The following STXBP5L variants were observed in gnomAD, a reference collection of about 807,000 sequenced individuals.
STXBP5L encodes the protein syntaxin binding protein 5L.
A neutral mutation model predicts 144.5 loss-of-function variants in STXBP5L; 65 were observed. The observed-to-expected ratio is 0.45, with a 90% confidence interval of 0.37 to 0.55. STXBP5L has a LOEUF of 0.55. Ranked by LOEUF, STXBP5L falls within the 20% of genes least tolerant of loss-of-function variation. STXBP5L has a pLI of 0.00. For missense variants in STXBP5L, 1,298 were observed against 1,405.5 expected (o/e 0.92, Z 1.22); for synonymous variants, 505 against 469.6 (o/e 1.08, Z -0.97).
At chr3:121,059,355 A>G (rs965339862) in intron 5 of STXBP5L, among the ~76,000 whole-genome samples, 11 of 152,162 alleles carry the variant, frequency 7.2e-5, no homozygotes, top group South Asian at 2.1e-4. Flanking sequence ...TACCAGTACC[A>G]TGGTGTTTTC....
intron 3 of STXBP5L, among the ~76,000 whole-genome samples, chr3:121,036,416 A>C (rs1220514423): frequency 6.6e-6 from 1 of 152,078 alleles, no homozygotes; most frequent in Admixed American, 6.6e-5. Context: ...TCCTATATAA[A>C]TTTGATGTTT....
At chr3:121,283,739 T>C (rs1422078105) in intron 19 of STXBP5L, among the ~76,000 whole-genome samples, 1 of 152,070 alleles carries the variant, frequency 6.6e-6, no homozygotes, top group Non-Finnish European at 1.5e-5. Context: ...ATTCCTGCTC[T>C]GTGCCATTTT....
intron 3 of STXBP5L, among the ~76,000 whole-genome samples, chr3:120,993,797 C>T (rs375213831): frequency 6.6e-6 from 1 of 151,808 alleles, no homozygotes; most frequent in Non-Finnish European, 1.5e-5. Context: ...TTTTTGGTTC[C>T]ATATAAATTT....
At chr3:120,978,697 T>A (rs1398039715) in intron 3 of STXBP5L, among the ~76,000 whole-genome samples, 1 of 152,194 alleles carries the variant, frequency 6.6e-6, no homozygotes, top group Non-Finnish European at 1.5e-5. Context: ...TGGTCTTTGA[T>A]GATGGTGATG....
At chr3:121,261,248 C>A (rs1042929554) in intron 18 of STXBP5L, among the ~76,000 whole-genome samples, 3 of 152,130 alleles carry the variant, frequency 2.0e-5, no homozygotes, top group African/African-American at 7.2e-5. Context: ...ATAACTGACA[C>A]TTGTATGAAA....
At chr3:121,169,441 A>G (rs2046624064) in intron 9 of STXBP5L, among the ~76,000 whole-genome samples, 1 of 152,190 alleles carries the variant, frequency 6.6e-6, no homozygotes, top group African/African-American at 2.4e-5. Flanking sequence ...TATTCAGGAA[A>G]CCCATCTCAG....
At chr3:121,051,187 G>T (rs1261481447) in intron 5 of STXBP5L, among the ~76,000 whole-genome samples, 1 of 151,932 alleles carries the variant, frequency 6.6e-6, no homozygotes, top group Non-Finnish European at 1.5e-5. Context: ...GAGACAGAAA[G>T]TTAACAAGGA....
intron 3 of STXBP5L, among the ~76,000 whole-genome samples, chr3:120,989,690 G>A (rs1450481713): frequency 2.6e-5 from 4 of 151,998 alleles, no homozygotes; most frequent in African/African-American, 7.2e-5. Context: ...TACGTATTAC[G>A]TATTTTGAGG....
chr3:120,984,404 G>A (rs951032674), intron 3 of STXBP5L, among the ~76,000 whole-genome samples: 3 of 152,140 alleles, frequency 2.0e-5, no homozygotes, highest in African/African-American at 7.2e-5. Context: ...GTGTTGGGAA[G>A]TGATGCCAGG....
At chr3:121,267,661 T>C (rs1303166207) in intron 18 of STXBP5L, among the ~76,000 whole-genome samples, 1 of 152,092 alleles carries the variant, frequency 6.6e-6, no homozygotes, top group Non-Finnish European at 1.5e-5. Context: ...AATCTATCCA[T>C]CTGACAAAGG....
At chr3:121,300,042 C>G (rs192523598) in intron 19 of STXBP5L, among the ~76,000 whole-genome samples, 1 of 149,052 alleles carries the variant, frequency 6.7e-6, no homozygotes, top group Non-Finnish European at 1.5e-5. Flanking sequence ...CTACTAAAAC[C>G]AACCTACAAG....
chr3:121,249,270 A>C (rs1171096354), intron 14 of STXBP5L, among the ~76,000 whole-genome samples: 1 of 152,162 alleles, frequency 6.6e-6, no homozygotes, highest in Non-Finnish European at 1.5e-5. Context: ...TTGTTTTACC[A>C]TATTTTAATT....
intron 3 of STXBP5L, among the ~76,000 whole-genome samples, chr3:121,032,319 G>T (rs1350280711): frequency 1.3e-5 from 2 of 151,310 alleles, no homozygotes; most frequent in African/African-American, 4.9e-5. Flanking sequence ...GTATCATGAA[G>T]AAAGGTTTGA....
At chr3:121,030,595 G>T (rs1029353365) in intron 3 of STXBP5L, among the ~76,000 whole-genome samples, 8 of 152,116 alleles carry the variant, frequency 5.3e-5, no homozygotes, top group Admixed American at 5.2e-4. Context: ...GGGTTGATGG[G>T]TGCAGCAAAC....
At chr3:121,372,554 C>T (rs1310275658) in intron 20 of STXBP5L, among the ~76,000 whole-genome samples, 1 of 152,176 alleles carries the variant, frequency 6.6e-6, no homozygotes, top group Non-Finnish European at 1.5e-5. Flanking sequence ...TCCTTCTTGA[C>T]TGCTCAACTC....
At chr3:121,061,613 G>A (rs879093057) in intron 5 of STXBP5L, among the ~76,000 whole-genome samples, 3 of 152,170 alleles carry the variant, frequency 2.0e-5, no homozygotes, top group Non-Finnish European at 4.4e-5. Context: ...AATTCTCTTT[G>A]TAGGTCTCTA....
intron 3 of STXBP5L, among the ~76,000 whole-genome samples, chr3:120,963,840 A>G (rs1397768802): frequency 6.6e-6 from 1 of 152,224 alleles, no homozygotes; most frequent in Non-Finnish European, 1.5e-5. Flanking sequence ...TACTTTCAGA[A>G]GGAATGATAC....
intron 19 of STXBP5L, among the ~76,000 whole-genome samples, chr3:121,300,747 G>A (rs962477368): frequency 1.7e-4 from 25 of 151,254 alleles, no homozygotes; most frequent in Admixed American, 1.5e-3. Context: ...AAGAACTGAG[G>A]GGACAAACTG....
At chr3:121,301,021 G>A (rs1291479226) in intron 19 of STXBP5L, among the ~76,000 whole-genome samples, 5 of 152,166 alleles carry the variant, frequency 3.3e-5, no homozygotes, top group Admixed American at 2.6e-4. Flanking sequence ...GATTGATTTG[G>A]CAATGCGGGA....
Sources: allele counts gnomAD v4.1 joint callset (sites outside exome capture counted in the v4.1 genomes callset), GRCh38; gene constraint gnomAD v4.1.1; transcripts MANE v1.5; gene names NCBI Gene and HGNC (gene_info 2026-07-23, HGNC 2026-07-21).